The following ANKMY2 variants were observed in gnomAD, a reference collection of about 807,000 sequenced individuals.
ANKMY2 encodes the protein ankyrin repeat and MYND domain containing 2, also known as ankyrin repeat and MYND domain-containing protein 2.
A neutral mutation model predicts 50.4 loss-of-function variants in ANKMY2; 36 were observed. The ratio of observed to expected loss-of-function variants is 0.71; its 90% CI spans 0.55 to 0.94. The LOEUF (loss-of-function observed/expected upper bound fraction) is 0.94, where lower values mean the gene tolerates loss of function less well. Among genes scored for constraint, ANKMY2 ranks in the 40% least tolerant of loss-of-function variants. The pLI is 0.00. For missense variants in ANKMY2, 565 were observed against 524.0 expected (o/e 1.08, Z -0.76); for synonymous variants, 187 against 178.8 (o/e 1.05, Z -0.36).
chr7:16,645,243 G>A (rs1340717666), intron 1 of ANKMY2, among the ~76,000 whole-genome samples: 1 of 152,160 alleles, frequency 6.6e-6, no homozygotes, highest in African/African-American at 2.4e-5. Context: ...AAGGCGGGGC[G>A]TGGAAATCCG....
At chr7:16,625,197 G>A in intron 3 of ANKMY2, 116 bp from the exon 4 acceptor site, 2 of 657,334 alleles carry the variant, frequency 3.0e-6, no homozygotes, top group South Asian at 2.3e-5. Context: ...TCTGTCATGT[G>A]GATATTTTCA....
intron 1 of ANKMY2, among the ~76,000 whole-genome samples, chr7:16,638,046 G>A (rs1375765381): frequency 6.6e-6 from 1 of 152,184 alleles, no homozygotes; most frequent in Non-Finnish European, 1.5e-5. Context: ...TAAAGATGAT[G>A]CATGTATAAT....
rs905927089 is a variant in ANKMY2, at chr7:16,600,668, C to T, written c.*93G>A. The T allele has an allele frequency of 9.7e-6, 11 of 1,130,170 alleles. No individual in the cohort carries two copies. The Admixed American group carries it at 1.4e-4, about 15-fold the overall frequency. The allele number at this position is 1,130,170 out of a possible 1,614,324, so 70.0% of individuals were successfully genotyped here. ...AATGTGGAATCCTGCCATGGTGCCA[C>T]GCAGGTATAACAAGGTGAGGACAAT... is the stretch of plus-strand genomic sequence containing the variant. On this transcript the variant is annotated 3_prime_UTR_variant, in exon 10 of 10. Coordinates refer to ENST00000306999, the MANE Select transcript of ANKMY2 (RefSeq NM_020319.3).
At chr7:16,613,137 A>G (rs572179276) in intron 5 of ANKMY2, among the ~76,000 whole-genome samples, 2 of 152,270 alleles carry the variant, frequency 1.3e-5, no homozygotes, top group African/African-American at 4.8e-5. Flanking sequence ...TTTTTCTCCT[A>G]GATAACCTTC....
At chr7:16,616,864 C>T (rs958790003) in intron 4 of ANKMY2, among the ~76,000 whole-genome samples, 2 of 152,216 alleles carry the variant, frequency 1.3e-5, no homozygotes, top group Non-Finnish European at 2.9e-5. Flanking sequence ...CCTGCTTGAT[C>T]CTGCCGACAA....
intron 2 of ANKMY2, among the ~76,000 whole-genome samples, chr7:16,632,800 C>T (rs145042741): frequency 1.1e-4 from 16 of 152,262 alleles, no homozygotes; most frequent in African/African-American, 3.1e-4. Flanking sequence ...ATGGTAACTC[C>T]ATGTTTAATC....
rs539091533 is a variant in ANKMY2 at position 16,629,480 on chromosome 7, G to A, written c.133-2302C>T. Among the ~76,000 whole-genome samples, 317 of 152,130 alleles carry A rather than the reference G, an allele frequency of 2.1e-3. 1 individual carries two copies. The highest frequency in any genetic ancestry group is 3.4e-3 in the Non-Finnish European group (232 of 68,002). ...GAACCTGGGAGGTGGAGGTTGCAGT[G>A]AGCCGAGATGGCGCCACTGCACTCC... is the stretch of plus-strand genomic sequence containing the variant. On this transcript the variant is annotated intron_variant, in intron 2 of 9. Transcript: ENST00000306999.
At chr7:16,634,093 T>C (rs1781623858) in intron 2 of ANKMY2, among the ~76,000 whole-genome samples, 1 of 152,136 alleles carries the variant, frequency 6.6e-6, no homozygotes, top group Admixed American at 6.5e-5. Context: ...AAATTGAAGT[T>C]CAATGAACTT....
intron 1 of ANKMY2, among the ~76,000 whole-genome samples, chr7:16,644,129 A>G (rs748115262): frequency 6.6e-6 from 1 of 152,154 alleles, no homozygotes; most frequent in African/African-American, 2.4e-5. Context: ...TTTGCCCAGC[A>G]CAGTACCTGG....
At chr7:16,612,128 G>A (rs747799635) in intron 5 of ANKMY2, among the ~76,000 whole-genome samples, 23 of 152,198 alleles carry the variant, frequency 1.5e-4, no homozygotes, top group Non-Finnish European at 3.1e-4. Context: ...AGAGCAGACA[G>A]CCAGTCAGTA....
intron 4 of ANKMY2, 56 bp from the exon 5 acceptor site, chr7:16,615,960 GT>G: frequency 1.3e-6 from 2 of 1,494,554 alleles, no homozygotes; most frequent in Non-Finnish European, 1.8e-6. Context: ...AACACATCTG[GT>G]TTTTAAAATT....
intron 4 of ANKMY2, among the ~76,000 whole-genome samples, chr7:16,621,273 AG>A (rs1445187843): frequency 2.0e-5 from 3 of 152,330 alleles, no homozygotes; most frequent in Non-Finnish European, 4.4e-5. Context: ...ATTGATATGA[AG>A]GAACCAATTA....
At chr7:16,632,005 A>C (rs1360453880) in intron 2 of ANKMY2, among the ~76,000 whole-genome samples, 1 of 152,132 alleles carries the variant, frequency 6.6e-6, no homozygotes, top group Non-Finnish European at 1.5e-5. Flanking sequence ...CTTAATAAAA[A>C]AGTTATGACA....
At position 16,618,987 on chromosome 7, in the gene ANKMY2, T is replaced by C. The variant is rs188795011; in HGVS notation, c.371-3083A>G. On this transcript the variant is annotated intron_variant, in intron 4 of 9. Coordinates refer to ENST00000306999, the MANE Select transcript of ANKMY2 (RefSeq NM_020319.3). Reference sequence around the variant, plus strand: ...AACCAGACATATGAAGACTTGAAGATAAAGGAGTCAGAGAAAAATAAGGAA... The same window carrying C: ...AACCAGACATATGAAGACTTGAAGACAAAGGAGTCAGAGAAAAATAAGGAA... 2.6e-3 allele frequency among the ~76,000 whole-genome samples: 393 copies of C among 152,292 alleles called. 1 individual carries two copies. Among genetic ancestry groups the C allele is most frequent in the African/African-American group, 8.9e-3 (371 of 41,562 alleles).
At chr7:16,609,601 A>G in intron 7 of ANKMY2, 29 bp downstream of exon 7, 1 of 1,568,164 alleles carries the variant, frequency 6.4e-7, no homozygotes, top group African/African-American at 1.4e-5. Flanking sequence ...TTTTACTGAT[A>G]GAGTCAACTT....
Position 16,602,229 on chromosome 7 carries a change from C to T in ANKMY2, c.1141+151G>A, listed in dbSNP as rs562753435. ...TGACTATATCCTAAGAACTTAAAAA[C>T]GGGACACATTAAAATTTAAATGTGA... On this transcript the variant is annotated intron_variant, in intron 9 of 9. Coordinates refer to ENST00000306999, the MANE Select transcript of ANKMY2 (RefSeq NM_020319.3). 121 of 924,048 alleles carry T rather than the reference C, an allele frequency of 1.3e-4. 1 individual carries two copies. In the South Asian group the frequency reaches 1.8e-3, roughly 14 times the overall value. 57.2% of individuals were successfully genotyped at this position (924,048 alleles called of 1,614,324 possible). A position where few individuals can be genotyped will look rare whatever the true frequency, so the allele number is the denominator to read the frequency against.
intron 4 of ANKMY2, among the ~76,000 whole-genome samples, chr7:16,623,792 G>A (rs1209549804): frequency 6.6e-6 from 1 of 152,124 alleles, no homozygotes; most frequent in Admixed American, 6.6e-5. Flanking sequence ...CTTACACAAG[G>A]CCATACCTTT....
chr7:16,619,431 G>A (rs1164365695), intron 4 of ANKMY2, among the ~76,000 whole-genome samples: 1 of 152,156 alleles, frequency 6.6e-6, no homozygotes, highest in East Asian at 1.9e-4. Flanking sequence ...TGGGATTACA[G>A]GCGTGAGCTA....
At chr7:16,639,355 G>A (rs1395103970) in intron 1 of ANKMY2, among the ~76,000 whole-genome samples, 1 of 152,168 alleles carries the variant, frequency 6.6e-6, no homozygotes, top group East Asian at 1.9e-4. Context: ...ACTATAAGAA[G>A]GGATGTGCAA....
Sources: gnomAD v4.1 joint callset for allele counts (sites outside exome capture counted in the v4.1 genomes callset) on GRCh38, gnomAD v4.1.1 for gene constraint, MANE v1.5 for transcripts, NCBI Gene and HGNC (gene_info 2026-07-23, HGNC 2026-07-21) for gene names.